The following PAPOLB variants were observed in gnomAD, a reference collection of about 807,000 sequenced individuals.
PAPOLB encodes PAP-beta.
PAPOLB carries 19 observed loss-of-function variants against 23.2 expected under a neutral mutation model. The observed-to-expected ratio is 0.82, with a 90% CI of 0.57 to 1.20. The LOEUF (loss-of-function observed/expected upper bound fraction) is 1.20. Ranked by LOEUF, PAPOLB falls within the 50% of genes most tolerant of loss-of-function variation. The pLI is 0.00. For missense variants in PAPOLB, 822 were observed against 776.8 expected (o/e 1.06, Z -0.69); for synonymous variants, 360 against 290.7 (o/e 1.24, Z -2.43).
In PAPOLB at chr7:4,860,728, T is replaced by C. The variant is rs372904205; in HGVS notation, c.1083A>G (p.Lys361=). Residue 361 remains lysine, a synonymous_variant, in exon 1 of 1, where the codon AAA becomes AAG. Coordinates refer to ENST00000404991, the MANE Select transcript of PAPOLB (RefSeq NM_020144.5). ...EILLSKAEWS[K]LFEAPSFFQK... The stretch of plus-strand genomic sequence containing the variant: ...GAAAGAAGCTTGGAGCTTCAAAGAG[T>C]TTGGACCACTCTGCCTTACTTAGCA... The C allele has an allele frequency of 3.7e-6, 6 of 1,614,100 alleles. No homozygotes were observed. In the African/African-American group the frequency reaches 8.0e-5, roughly 22 times the overall value.
chr7:4,861,153 T>G lies in PAPOLB; in HGVS notation c.658A>C (p.Asn220His). Residue 220 changes from asparagine (N) to histidine (H), a missense_variant, in exon 1 of 1, where the codon AAC becomes CAC. This residue lies in a region of PAPOLB where 534 missense variants were observed against 502.8 expected (regional missense o/e 1.06). Transcript: ENST00000404991. ...ATGGCTCTCAGAGTCAGCCTGAAGT[T>G]GTCAATGTTTGGCACTAGATGTAAA... ...EILHLVPNID[N>H]FRLTLRAIKL... The G allele has an allele frequency of 6.2e-7, 1 of 1,614,256 alleles. No homozygotes were observed. The highest frequency in any genetic ancestry group is 8.5e-7 in the Non-Finnish European group (1 of 1,180,046).
chr7:4,860,700 T>G lies in PAPOLB; in HGVS notation c.1111A>C (p.Lys371Gln). 1 of 1,614,206 alleles carries G rather than the reference T, an allele frequency of 6.2e-7. No individual in the cohort carries two copies. ...KLFEAPSFFQKYKHYIVLLAS... is the reference protein window; with the variant it reads ...KLFEAPSFFQQYKHYIVLLAS... The stretch of plus-strand genomic sequence containing the variant: ...AGAAGTACAATATAATGCTTGTACT[T>G]TTGAAAGAAGCTTGGAGCTTCAAAG... Residue 371 changes from lysine to glutamine, a missense_variant, in exon 1 of 1, where the codon AAG (lysine) becomes CAG (glutamine). Around this residue, in one of 3 missense-constraint regions of PAPOLB, gnomAD observed 534 missense variants for 502.8 expected, o/e 1.06. Coordinates refer to ENST00000404991, the MANE Select transcript of PAPOLB (RefSeq NM_020144.5).
chr7:4,860,178 T>C lies in PAPOLB; in HGVS notation c.1633A>G (p.Thr545Ala), dbSNP rs1240060072. Residue 545 changes from threonine (T) to alanine (A), a missense_variant, in exon 1 of 1, where the codon ACA becomes GCA. Thr to Ala is a moderately conservative substitution (Grantham distance 58). This residue lies in a region of PAPOLB where 534 missense variants were observed against 502.8 expected (regional missense o/e 1.06). Transcript: ENST00000404991. ...SVPSSTSTMK[T>A]GPLISSSQGR... The stretch of plus-strand genomic sequence containing the variant: ...TGAGAACTGCTAATCAATGGGCCTG[T>C]CTTCATAGTGCTAGTAGATGAAGGC... The C allele has an allele frequency of 6.2e-7, 1 of 1,614,020 alleles. No individual in the cohort carries two copies. The highest frequency in any genetic ancestry group is 1.3e-5 in the African/African-American group (1 of 75,054).
chr7:4,859,711 A>C lies in PAPOLB; in HGVS notation c.*186T>G. 1 of 590,082 alleles carries C rather than the reference A, an allele frequency of 1.7e-6. No individual in the cohort carries two copies. The highest frequency in any genetic ancestry group is 3.0e-6 in the Non-Finnish European group (1 of 333,152). The allele number at this position is 590,082 out of a possible 1,614,324, so 36.6% of individuals were successfully genotyped here. ...CTGAATTCTTGATAACAGGAATTGG[A>C]TTTGCAGGGAGAACAGGGATACCGG... On this transcript the variant is annotated 3_prime_UTR_variant, in exon 1 of 1. Coordinates refer to ENST00000404991, the MANE Select transcript of PAPOLB (RefSeq NM_020144.5).
Position 4,860,568 on chromosome 7 carries a change from C to G in PAPOLB, c.1243G>C (p.Ala415Pro), listed in dbSNP as rs1191940722. ...SLEKNEFITL[A>P]HVNPQSFPAP... Reference sequence around the variant, plus strand: ...GGAAATGACTGTGGATTCACATGTGCCAGTGTAATAAATTCATTCTTCTCC... The same window carrying G: ...GGAAATGACTGTGGATTCACATGTGGCAGTGTAATAAATTCATTCTTCTCC... The change falls in exon 1 of 1, where the codon GCA becomes CCA. Residue 415 changes from alanine to proline, a missense_variant. This residue lies in a region of PAPOLB where 534 missense variants were observed against 502.8 expected (regional missense o/e 1.06). Coordinates refer to ENST00000404991, the MANE Select transcript of PAPOLB (RefSeq NM_020144.5). 3.1e-6 allele frequency: 5 copies of G among 1,614,008 alleles called. No homozygotes were observed. Among genetic ancestry groups the G allele is most frequent in the Non-Finnish European group, 4.2e-6 (5 of 1,179,992 alleles).
At position 4,861,932 on chromosome 7, in the gene PAPOLB, T is replaced by C. The variant is rs936656848; in HGVS notation, c.-122A>G. The C allele has an allele frequency of 1.8e-6, 1 of 547,100 alleles. No homozygotes were observed. 33.9% of individuals were successfully genotyped at this position (547,100 alleles called of 1,614,324 possible). A position where few individuals can be genotyped will look rare whatever the true frequency, so the allele number is the denominator to read the frequency against. ...TCTAGCTGCCCTGGTCCGACCCCAC[T>C]CCCACTCCCGCTGCGCGCCCGCCGC... On this transcript the variant is annotated 5_prime_UTR_variant, in exon 1 of 1. Transcript: ENST00000404991.
chr7:4,861,834 G>GCACTTCCCCCACCACCGCGACCTT lies in PAPOLB; in HGVS notation c.-25_-24insAAGGTCGCGGTGGTGGGGGAAGTG. On this transcript the variant is annotated 5_prime_UTR_variant, in exon 1 of 1. Coordinates refer to ENST00000404991, the MANE Select transcript of PAPOLB (RefSeq NM_020144.5). The stretch of plus-strand genomic sequence containing the variant: ...ATCTTTCAGCGCCCGCCCCGCCAGG[G>GCACTTCCCCCACCACCGCGACCTT]CACGTCCCCCACCACCGCGACCTTC... 6 of 1,268,410 alleles carry GCACTTCCCCCACCACCGCGACCTT rather than the reference G, an allele frequency of 4.7e-6. No individual in the cohort carries two copies. The highest frequency in any genetic ancestry group is 6.2e-6 in the Non-Finnish European group (6 of 972,350). 78.6% of individuals were successfully genotyped at this position (1,268,410 alleles called of 1,614,324 possible).
In PAPOLB at chr7:4,860,968, T is replaced by C; in HGVS notation, c.843A>G (p.Glu281=). The change falls in exon 1 of 1, where the codon GAA becomes GAG. Residue 281 remains glutamate (E), a synonymous_variant. Coordinates refer to ENST00000404991, the MANE Select transcript of PAPOLB (RefSeq NM_020144.5). ...RKFFLVFSEW[E]WPNPVLLKEP... ...CCTTCAGTAACACTGGGTTTGGCCA[T>C]TCCCATTCTGAAAATACCAAGAAGA... The C allele has an allele frequency of 6.2e-7, 1 of 1,614,220 alleles. No homozygotes were observed. The highest frequency in any genetic ancestry group is 8.5e-7 in the Non-Finnish European group (1 of 1,180,034).
At position 4,860,257 on chromosome 7, in the gene PAPOLB, A is replaced by G. The variant is rs1253567836; in HGVS notation, c.1554T>C (p.Asp518=). ...AHSTEGRRLT[D]LNDSSFDLSA... ...ACAAGTCAAAGCTGCTGTCGTTCAAATCTGTCAATCTTCTACCTTCTGTTG... is the reference window on the plus strand; with the variant it reads ...ACAAGTCAAAGCTGCTGTCGTTCAAGTCTGTCAATCTTCTACCTTCTGTTG... Residue 518 remains aspartate, a synonymous_variant, in exon 1 of 1, where the codon GAT becomes GAC. Transcript: ENST00000404991. 9.9e-6 allele frequency: 16 copies of G among 1,613,826 alleles called. No homozygotes were observed. Among genetic ancestry groups the G allele is most frequent in the Non-Finnish European group, 1.4e-5 (16 of 1,179,878 alleles).
Position 4,860,782 on chromosome 7 carries a change from T to C in PAPOLB, c.1029A>G (p.Lys343=), listed in dbSNP as rs1783969120. 1 of 1,614,088 alleles carries C rather than the reference T, an allele frequency of 6.2e-7. No homozygotes were observed. Among genetic ancestry groups the C allele is most frequent in the Non-Finnish European group, 8.5e-7 (1 of 1,180,052 alleles). The change falls in exon 1 of 1, where the codon AAA becomes AAG. Residue 343 remains lysine, a synonymous_variant. Coordinates refer to ENST00000404991, the MANE Select transcript of PAPOLB (RefSeq NM_020144.5). ...TCTCGTGTGTGATAGCAAGCCCCTG[T>C]TTAAACTCCTCAATCATGACCATCC... The part of the protein sequence containing the change: ...STRMVMIEEF[K]QGLAITHEIL...
rs756906535 is a variant in PAPOLB at position 4,861,361 on chromosome 7, G to C, written c.450C>G (p.Val150=). Residue 150 remains valine (V), a synonymous_variant, in exon 1 of 1, where the codon GTC becomes GTG. Transcript: ENST00000404991. ...LQEEVKDLRA[V]EEAFVPVIKL... is the part of the protein sequence containing the mutation. ...TGATAACTGGCACAAATGCCTCCTC[G>C]ACAGCCCTTAAATCTTTCACTTCCT... 2 of 1,613,912 alleles carry C rather than the reference G, an allele frequency of 1.2e-6. No individual in the cohort carries two copies. The highest frequency in any genetic ancestry group is 2.2e-5 in the South Asian group (2 of 91,078).
In PAPOLB at chr7:4,861,694, G is replaced by A. The variant is rs1304656279; in HGVS notation, c.117C>T (p.Leu39=). ...TGAGGGTTTCTATTAGCCTCTGGGT[G>A]AGGAGGCAGTCCGTCTCCTTGGGGA... ...LAVPKETDCL[L]TQRLIETLRP... The change falls in exon 1 of 1, where the codon CTC becomes CTT. Residue 39 remains leucine, a synonymous_variant. Coordinates refer to ENST00000404991, the MANE Select transcript of PAPOLB (RefSeq NM_020144.5). The A allele has an allele frequency of 1.9e-6, 3 of 1,581,168 alleles. No homozygotes were observed. The highest frequency in any genetic ancestry group is 2.6e-6 in the Non-Finnish European group (3 of 1,165,432).
At position 4,861,317 on chromosome 7, in the gene PAPOLB, A is replaced by G; in HGVS notation, c.494T>C (p.Ile165Thr). The G allele has an allele frequency of 6.2e-7, 1 of 1,613,952 alleles. No individual in the cohort carries two copies. The highest frequency in any genetic ancestry group is 8.5e-7 in the Non-Finnish European group (1 of 1,179,792). ...VPVIKLCFDG[I>T]EIDILFARLA... is the part of the protein sequence containing the mutation. ...TCTTGCAAATAAAATATCAATCTCT[A>G]TCCCATCAAAACACAGTTTGATAAC... The change falls in exon 1 of 1, where the codon ATA becomes ACA. Residue 165 changes from isoleucine (I) to threonine (T), a missense_variant. Physicochemically the swap from Ile to Thr is moderately conservative, Grantham distance 89. Coordinates refer to ENST00000404991, the MANE Select transcript of PAPOLB (RefSeq NM_020144.5).
chr7:4,860,845 TG>T lies in PAPOLB; in HGVS notation c.965del (p.Pro322HisfsTer17). The T allele has an allele frequency of 6.2e-7, 1 of 1,614,142 alleles. No individual in the cohort carries two copies. Among genetic ancestry groups the T allele is most frequent in the Non-Finnish European group, 8.5e-7 (1 of 1,180,024 alleles). On this transcript the variant is annotated frameshift_variant, in exon 1 of 1. Transcript: ENST00000404991. ...HLMPIITPAYPQQNSTYNVSI... is the reference protein window; with the variant it reads ...HLMPIITPAYXQQNSTYNVSI... Reference sequence around the variant, plus strand: ...ACACGTTGTATGTGGAGTTCTGCTGTGGGTATGCTGGTGTGATGATAGGCAT... The same window carrying T: ...ACACGTTGTATGTGGAGTTCTGCTGTGGTATGCTGGTGTGATGATAGGCAT...
Position 4,860,429 on chromosome 7 carries a change from A to G in PAPOLB, c.1382T>C (p.Ile461Thr), listed in dbSNP as rs1255277478. 3.7e-6 allele frequency: 6 copies of G among 1,614,060 alleles called. No homozygotes were observed. The South Asian group carries it at 4.4e-5, about 12-fold the overall frequency. The change falls in exon 1 of 1, where the codon ATC becomes ACC. Residue 461 changes from isoleucine to threonine, a missense_variant. This residue lies in a region of PAPOLB where 534 missense variants were observed against 502.8 expected (regional missense o/e 1.06). Coordinates refer to ENST00000404991, the MANE Select transcript of PAPOLB (RefSeq NM_020144.5). Reference protein sequence around the residue: ...EILSIDLTYDIQSFTDTVYRQ... With the variant: ...EILSIDLTYDTQSFTDTVYRQ... Reference sequence around the variant, plus strand: ...ATAAACAGTATCTGTGAAAGACTGGATATCATAGGTGAGATCAATGCTGAG... The same window carrying G: ...ATAAACAGTATCTGTGAAAGACTGGGTATCATAGGTGAGATCAATGCTGAG...
In PAPOLB at chr7:4,861,707, G is replaced by A. The variant is rs759171720; in HGVS notation, c.104C>T (p.Thr35Met). The A allele has an allele frequency of 6.4e-6, 10 of 1,572,088 alleles. No individual in the cohort carries two copies. The East Asian group carries it at 2.2e-4, about 35-fold the overall frequency. ...TAGCCTCTGGGTGAGGAGGCAGTCC[G>A]TCTCCTTGGGGACCGCTAGACTGAT... ...SPISLAVPKE[T>M]DCLLTQRLIE... The change falls in exon 1 of 1, where the codon ACG (threonine) becomes ATG (methionine). Residue 35 changes from threonine to methionine, a missense_variant. Transcript: ENST00000404991.
At position 4,860,130 on chromosome 7, in the gene PAPOLB, C is replaced by T. The variant is rs528192180; in HGVS notation, c.1681G>A (p.Ala561Thr). 2.0e-5 allele frequency: 32 copies of T among 1,613,834 alleles called. No homozygotes were observed. Among genetic ancestry groups the T allele is most frequent in the Non-Finnish European group, 2.5e-5 (29 of 1,179,836 alleles). ...SSQGRNSPAL[A>T]VMTASVANIQ... Reference sequence around the variant, plus strand: ...TTAGCCACAGATGCTGTCATTACAGCCAAGGCAGGACTGTTTCTACCCTGA... The same window carrying T: ...TTAGCCACAGATGCTGTCATTACAGTCAAGGCAGGACTGTTTCTACCCTGA... The change falls in exon 1 of 1, where the codon GCT (alanine) becomes ACT (threonine). Residue 561 changes from alanine (A) to threonine (T), a missense_variant. Physicochemically the swap from Ala to Thr is moderately conservative, Grantham distance 58 (BLOSUM62 0). Around this residue, in one of 3 missense-constraint regions of PAPOLB, gnomAD observed 534 missense variants for 502.8 expected, o/e 1.06. Transcript: ENST00000404991.
chr7:4,861,521 T>C lies in PAPOLB; in HGVS notation c.290A>G (p.Lys97Arg). ...PQSVIENVGG[K>R]IFTFGSYRLG... ...TCTGTAAGAGCCAAACGTAAAAATC[T>C]TTCCTCCAACGTTTTCAATTACAGA... Residue 97 changes from lysine (K) to arginine (R), a missense_variant, in exon 1 of 1, where the codon AAG becomes AGG. This residue lies in a region of PAPOLB where 276 missense variants were observed against 243.9 expected (regional missense o/e 1.13). Coordinates refer to ENST00000404991, the MANE Select transcript of PAPOLB (RefSeq NM_020144.5). 1 of 1,614,066 alleles carries C rather than the reference T, an allele frequency of 6.2e-7. No homozygotes were observed. Among genetic ancestry groups the C allele is most frequent in the Non-Finnish European group, 8.5e-7 (1 of 1,179,910 alleles).
rs1783903372 is a variant in PAPOLB at position 4,858,946 on chromosome 7, T to C, written c.*951A>G. 3 of 152,332 alleles carry C rather than the reference T, an allele frequency of 2.0e-5. No individual in the cohort carries two copies. The highest frequency in any genetic ancestry group is 4.1e-4 in the South Asian group (2 of 4,828). 9.4% of individuals were successfully genotyped at this position (152,332 alleles called of 1,614,324 possible). ...ACTAATGATTGAGGACAAGAGAATA[T>C]GGAGCTTTGATAGCTCAAAGAAAAT... On this transcript the variant is annotated 3_prime_UTR_variant, in exon 1 of 1. Coordinates refer to ENST00000404991, the MANE Select transcript of PAPOLB (RefSeq NM_020144.5).
Sources: gnomAD v4.1 joint callset for allele counts on GRCh38, gnomAD v4.1.1 for gene constraint, gnomAD v4.1.1 regional missense constraint, MANE v1.5 for transcripts, NCBI Gene and HGNC (gene_info 2026-07-23, HGNC 2026-07-21) for gene names.